The following OPCML variants were observed in gnomAD, a reference collection of about 807,000 sequenced individuals.
The protein encoded by OPCML is opioid binding protein/cell adhesion molecule like, also known as opioid-binding protein/cell adhesion molecule.
In OPCML, 13 loss-of-function variants were observed where a neutral mutation model predicts 37.8. The ratio of observed to expected loss-of-function variants is 0.34; its 90% confidence interval spans 0.22 to 0.55. The LOEUF is 0.55. Among genes scored for constraint, OPCML ranks in the 20% least tolerant of loss-of-function variants. The pLI is 0.91. For synonymous variants in OPCML, 176 were observed against 168.8 expected, an observed-to-expected ratio of 1.04 and a Z score of -0.33; for missense variants, 341 against 435.6, an observed-to-expected ratio of 0.78 and a Z score of 1.93.
chr11:133,426,513 A>T (rs574041259), intron 1 of OPCML, among the ~76,000 whole-genome samples: 2 of 152,288 alleles, frequency 1.3e-5, no homozygotes, highest in South Asian at 4.1e-4. Flanking sequence ...CGCACTCATG[A>T]TAAACCAGTG....
At chr11:133,026,379 T>C (rs1488162127) in intron 1 of OPCML, 14 of 985,170 alleles carry the variant, frequency 1.4e-5, no homozygotes, top group African/African-American at 1.7e-5. Flanking sequence ...GGTGGTCTGA[T>C]TGACGAGTGA....
chr11:132,612,877 A>G (rs1234666469), intron 3 of OPCML, among the ~76,000 whole-genome samples: 1 of 152,182 alleles, frequency 6.6e-6, no homozygotes, highest in African/African-American at 2.4e-5. Context: ...TCTGCCCCAG[A>G]GAGCCATAAA....
At chr11:132,575,136 T>A (rs2096447371) in intron 3 of OPCML, among the ~76,000 whole-genome samples, 1 of 152,006 alleles carries the variant, frequency 6.6e-6, no homozygotes, top group Non-Finnish European at 1.5e-5. Flanking sequence ...TTTAAGCCTA[T>A]GTGTGCCCTT....
At chr11:133,188,725 T>C (rs985818700) in intron 1 of OPCML, among the ~76,000 whole-genome samples, 1 of 152,174 alleles carries the variant, frequency 6.6e-6, no homozygotes, top group Non-Finnish European at 1.5e-5. Flanking sequence ...TTTTTAACTA[T>C]AGGTAGTTTA....
chr11:132,432,395 T>C (rs1319140497), intron 7 of OPCML, among the ~76,000 whole-genome samples: 1 of 152,154 alleles, frequency 6.6e-6, no homozygotes, highest in East Asian at 1.9e-4. Context: ...CTGAAACTAT[T>C]GCCACACAGT....
At chr11:132,583,004 A>T (rs530215322) in intron 3 of OPCML, among the ~76,000 whole-genome samples, 5 of 151,984 alleles carry the variant, frequency 3.3e-5, no homozygotes, top group Non-Finnish European at 7.4e-5. Context: ...CACCACTGTG[A>T]TGCAAAATCA....
intron 1 of OPCML, among the ~76,000 whole-genome samples, chr11:133,391,549 G>A (rs1429698198): frequency 6.6e-6 from 1 of 152,132 alleles, no homozygotes; most frequent in Non-Finnish European, 1.5e-5. Context: ...CTCATCCGCT[G>A]AGCGCTCTGC....
At chr11:133,121,569 G>A (rs900801615) in intron 1 of OPCML, among the ~76,000 whole-genome samples, 2 of 152,156 alleles carry the variant, frequency 1.3e-5, no homozygotes, top group African/African-American at 4.8e-5. Flanking sequence ...GGGTCAACAT[G>A]GAGGAGTTAG....
At chr11:133,146,613 A>G (rs76654730) in intron 1 of OPCML, among the ~76,000 whole-genome samples, 4,833 of 151,432 alleles carry the variant, frequency 0.032, 252 homozygotes, top group African/African-American at 0.11. Context: ...GTGCCTGGCC[A>G]TGCTAGGCTA....
At chr11:133,527,571 T>C (rs1948514914) in intron 1 of OPCML, among the ~76,000 whole-genome samples, 1 of 152,218 alleles carries the variant, frequency 6.6e-6, no homozygotes, top group Admixed American at 6.5e-5. Context: ...TTTTTAACAA[T>C]ATGGAATGTC....
chr11:132,610,779 T>G (rs551636572), intron 3 of OPCML, among the ~76,000 whole-genome samples: 1 of 152,348 alleles, frequency 6.6e-6, no homozygotes, highest in Admixed American at 6.5e-5. Flanking sequence ...TGATCTGTCG[T>G]GTAAGAAGCT....
chr11:132,474,516 T>A (rs1008784837), intron 4 of OPCML, among the ~76,000 whole-genome samples: 1 of 152,112 alleles, frequency 6.6e-6, no homozygotes, highest in African/African-American at 2.4e-5. Flanking sequence ...ACCCTTTGCA[T>A]CTGCCCAGCT....
intron 2 of OPCML, among the ~76,000 whole-genome samples, chr11:132,698,330 C>G (rs1016709906): frequency 2.2e-4 from 33 of 152,254 alleles, no homozygotes; most frequent in African/African-American, 7.2e-4. Flanking sequence ...TGACAACTGG[C>G]ATTCTAATAG....
rs1949791123 is a variant in OPCML, at chr11:133,140,916, AGAAGACGACGAC to A, written c.62-197918_62-197907del. Among the ~76,000 whole-genome samples, 39 of 16,266 alleles carry A rather than the reference AGAAGACGACGAC, an allele frequency of 2.4e-3. 6 individuals carry two copies. Among genetic ancestry groups the A allele is most frequent in the African/African-American group, 4.8e-3 (36 of 7,576 alleles). 10.7% of individuals were successfully genotyped at this position (16,266 alleles called of 152,430 possible). A position where few individuals can be genotyped will look rare whatever the true frequency, so the allele number is the denominator to read the frequency against. On this transcript the variant is annotated intron_variant, in intron 1 of 7. Coordinates refer to ENST00000524381, the MANE Select transcript of OPCML (RefSeq NM_001012393.5). ...ACGAAGACGACGACGACGAAGAAGA[AGAAGACGACGAC>A]GACGAAGAAGAAGAAGACGACGAAG...
intron 1 of OPCML, among the ~76,000 whole-genome samples, chr11:133,401,602 C>T (rs951332029): frequency 1.3e-5 from 2 of 152,008 alleles, no homozygotes; most frequent in Non-Finnish European, 2.9e-5. Flanking sequence ...ATATTCTTTA[C>T]ATAAGTTGCA....
intron 2 of OPCML, among the ~76,000 whole-genome samples, chr11:132,898,923 C>T (rs1327873308): frequency 6.6e-6 from 1 of 151,536 alleles, no homozygotes; most frequent in Admixed American, 6.6e-5. Flanking sequence ...GTGACTGATC[C>T]GGATCAGGAA....
At chr11:133,402,593 T>C (rs1945430349) in intron 1 of OPCML, among the ~76,000 whole-genome samples, 1 of 152,134 alleles carries the variant, frequency 6.6e-6, no homozygotes, top group Non-Finnish European at 1.5e-5. Context: ...ATTTTCCCAT[T>C]TATCATAAAC....
chr11:133,268,076 C>T (rs372776460), intron 1 of OPCML, among the ~76,000 whole-genome samples: 3 of 152,310 alleles, frequency 2.0e-5, no homozygotes, highest in East Asian at 3.9e-4. Flanking sequence ...AACAATGGCC[C>T]TGACTATGTT....
intron 2 of OPCML, among the ~76,000 whole-genome samples, chr11:132,816,431 A>G (rs1473457311): frequency 6.6e-6 from 1 of 152,194 alleles, no homozygotes; most frequent in African/African-American, 2.4e-5. Flanking sequence ...TTTAAATTTT[A>G]TATGATTTTA....
Sources: allele counts gnomAD v4.1 joint callset (sites outside exome capture counted in the v4.1 genomes callset), GRCh38; gene constraint gnomAD v4.1.1; transcripts MANE v1.5; gene names NCBI Gene and HGNC (gene_info 2026-07-23, HGNC 2026-07-21).